The following ARIH1 variants were observed in gnomAD, a reference collection of about 807,000 sequenced individuals.
ARIH1 encodes the protein ariadne RBR E3 ubiquitin protein ligase 1, also known as E3 ubiquitin-protein ligase ARIH1.
Under a neutral mutation model 85.0 loss-of-function variants are expected in ARIH1, and 8 were observed. The observed-to-expected ratio is 0.09, with a 90% CI of 0.06 to 0.17. ARIH1 has a LOEUF of 0.17. Among genes scored for constraint, ARIH1 ranks in the 10% least tolerant of loss-of-function variants. The pLI is 1.00. For synonymous variants in ARIH1, 238 were observed against 253.6 expected (o/e 0.94, Z 0.59); for missense variants, 311 against 718.1 (o/e 0.43, Z 6.48).
At chr15:72,510,669 G>A (rs912481537) in intron 1 of ARIH1, among the ~76,000 whole-genome samples, 3 of 140,510 alleles carry the variant, frequency 2.1e-5, no homozygotes, top group East Asian at 2.0e-4. Context: ...TCCGGGAGGC[G>A]GAGCTTGCAG....
intron 11 of ARIH1, among the ~76,000 whole-genome samples, chr15:72,574,905 G>A (rs11630252): frequency 5.6e-5 from 4 of 71,460 alleles, no homozygotes; most frequent in Admixed American, 1.8e-4. Context: ...CCCCCCCGCC[G>A]CCCCCGCCCA....
chr15:72,555,754 A>AT, intron 4 of ARIH1, 98 bp from the exon 5 acceptor site: 1 of 954,454 alleles, frequency 1.0e-6, no homozygotes, highest in Non-Finnish European at 1.7e-6. Flanking sequence ...TCCTGTAAAC[A>AT]TTAAGGTATT....
In ARIH1 at chr15:72,555,858, T is replaced by G; in HGVS notation, c.688T>G (p.Ser230Ala). ...AAATTTCAATCTTTTTCAGACTATT[T>G]CGTGTCCTGCTCATGGTTGTGATAT... ...IMEEGMGQTISCPAHGCDILV... is the reference protein window; with the variant it reads ...IMEEGMGQTIACPAHGCDILV... The change falls in exon 5 of 14, where the codon TCG (serine) becomes GCG (alanine). Residue 230 changes from serine to alanine, a missense_variant. This residue lies in a region of ARIH1 where 104 missense variants were observed against 221.4 expected (regional missense o/e 0.47). Transcript: ENST00000379887. 6.2e-7 allele frequency: 1 copy of G among 1,612,946 alleles called. No individual in the cohort carries two copies. The highest frequency in any genetic ancestry group is 8.5e-7 in the Non-Finnish European group (1 of 1,179,150).
At chr15:72,509,279 C>T (rs2063940127) in intron 1 of ARIH1, among the ~76,000 whole-genome samples, 1 of 151,940 alleles carries the variant, frequency 6.6e-6, no homozygotes, top group Non-Finnish European at 1.5e-5. Flanking sequence ...TGTGAGCCAC[C>T]ACACCTGGCC....
chr15:72,500,100 CTT>C (rs35390888), intron 1 of ARIH1, among the ~76,000 whole-genome samples: 84 of 146,906 alleles, frequency 5.7e-4, no homozygotes, highest in Admixed American at 6.8e-4. Flanking sequence ...TCATTTCTCT[CTT>C]TTTTTTTTTT....
chr15:72,567,488 C>G (rs1243709011), intron 9 of ARIH1, among the ~76,000 whole-genome samples: 1 of 152,128 alleles, frequency 6.6e-6, no homozygotes, highest in Non-Finnish European at 1.5e-5. Context: ...TGCTTGGCTG[C>G]CATTTAGTAT....
intron 1 of ARIH1, among the ~76,000 whole-genome samples, chr15:72,481,826 ATTTTC>A (rs934913934): frequency 7.3e-5 from 11 of 151,712 alleles, no homozygotes; most frequent in Non-Finnish European, 1.5e-4. Context: ...TTTACTCAGT[ATTTTC>A]TTTTCTTTTC....
chr15:72,567,051 T>G, intron 8 of ARIH1, 55 bp from the exon 9 acceptor site: 1 of 1,333,446 alleles, frequency 7.5e-7, no homozygotes, highest in African/African-American at 1.5e-5. Flanking sequence ...GCTAAAGTAA[T>G]TTGCTATTTT....
chr15:72,563,333 A>G, intron 6 of ARIH1, 61 bp from the exon 7 acceptor site: 1 of 1,445,190 alleles, frequency 6.9e-7, no homozygotes, highest in Non-Finnish European at 9.7e-7. Context: ...TTCTGGGATT[A>G]TAGGTGTGAG....
intron 6 of ARIH1, 94 bp from the exon 7 acceptor site, chr15:72,563,300 C>T (rs775233946): frequency 2.3e-5 from 24 of 1,022,614 alleles, no homozygotes; most frequent in Non-Finnish European, 3.0e-5. Context: ...CTCAAACAGT[C>T]CTCCCGCCTT....
At chr15:72,524,562 C>T (rs1210832184) in intron 2 of ARIH1, among the ~76,000 whole-genome samples, 2 of 152,116 alleles carry the variant, frequency 1.3e-5, no homozygotes, top group East Asian at 3.9e-4. Flanking sequence ...CCTAAATTGT[C>T]CCTCAAGAAG....
Position 72,587,445 on chromosome 15 carries a change from A to G in ARIH1, c.*4153A>G. On this transcript the variant is annotated 3_prime_UTR_variant, in exon 14 of 14. Coordinates refer to ENST00000379887, the MANE Select transcript of ARIH1 (RefSeq NM_005744.5). ...AGTAGTTGAGAATAAGTGGTTTAGT[A>G]TGATTTGCTTAATAGTACCCAAGTA... 1 of 320,430 alleles carries G rather than the reference A, an allele frequency of 3.1e-6. No individual in the cohort carries two copies. The highest frequency in any genetic ancestry group is 2.6e-5 in the South Asian group (1 of 38,112). 19.8% of individuals were successfully genotyped at this position (320,430 alleles called of 1,614,324 possible).
intron 1 of ARIH1, chr15:72,496,872 A>G (rs1595852612): frequency 1.0e-6 from 1 of 985,386 alleles, no homozygotes; most frequent in African/African-American, 1.7e-5. Context: ...GGACAGAATC[A>G]TTCCAAAGAC....
In ARIH1 at chr15:72,519,875, AAG is replaced by A. The variant is rs2063991943; in HGVS notation, c.443+1744_443+1745del. Among the ~76,000 whole-genome samples the A allele has an allele frequency of 2.0e-5, 3 of 152,252 alleles. No homozygotes were observed. The East Asian group carries it at 5.8e-4, about 29-fold the overall frequency. ...ATTTGATGACACCTCTACTAGGAGAAAGAGTTTTTATCGTTTACTTGTGAAAC... is the reference window on the plus strand; with the variant it reads ...ATTTGATGACACCTCTACTAGGAGAAAGTTTTTATCGTTTACTTGTGAAAC... On this transcript the variant is annotated intron_variant, in intron 2 of 13. Transcript: ENST00000379887.
At chr15:72,482,512 T>C (rs1462802539) in intron 1 of ARIH1, among the ~76,000 whole-genome samples, 2 of 152,162 alleles carry the variant, frequency 1.3e-5, no homozygotes, top group African/African-American at 2.4e-5. Context: ...GGAGAGTTTT[T>C]GGGTAATGGT....
In ARIH1 at chr15:72,591,672, A is replaced by G. The variant is rs554304674; in HGVS notation, c.*8380A>G. 2 of 152,362 alleles carry G rather than the reference A, an allele frequency of 1.3e-5. No homozygotes were observed. Among genetic ancestry groups the G allele is most frequent in the South Asian group, 4.1e-4 (2 of 4,826 alleles). 9.4% of individuals were successfully genotyped at this position (152,362 alleles called of 1,614,324 possible). A position where few individuals can be genotyped will look rare whatever the true frequency, so the allele number is the denominator to read the frequency against. On this transcript the variant is annotated 3_prime_UTR_variant, in exon 14 of 14. Transcript: ENST00000379887. ...CTCAGAGGAAGTACAGCATAAAATAATAACCAGCATTTGTAGAGCACTTCT... is the reference window on the plus strand; with the variant it reads ...CTCAGAGGAAGTACAGCATAAAATAGTAACCAGCATTTGTAGAGCACTTCT...
At position 72,507,043 on chromosome 15, in the gene ARIH1, A is replaced by C. The variant is rs2063929321; in HGVS notation, c.376-11024A>C. On this transcript the variant is annotated intron_variant, in intron 1 of 13. Transcript: ENST00000379887. ...ATGTATTTATTTATTTATTTTTTGA[A>C]ACGCAGTCGTGCCCTGTCGCCCAGG... is the stretch of plus-strand genomic sequence containing the variant. Among the ~76,000 whole-genome samples the C allele has an allele frequency of 2.6e-5, 4 of 151,864 alleles. No individual in the cohort carries two copies. The South Asian group carries it at 8.3e-4, about 32-fold the overall frequency.
intron 2 of ARIH1, among the ~76,000 whole-genome samples, chr15:72,527,648 C>T (rs1273283084): frequency 1.3e-5 from 2 of 152,190 alleles, no homozygotes; most frequent in Non-Finnish European, 2.9e-5. Flanking sequence ...GTTTACTGTG[C>T]AGCTCTAGGG....
chr15:72,519,284 C>T (rs2063988292), intron 2 of ARIH1, among the ~76,000 whole-genome samples: 1 of 151,590 alleles, frequency 6.6e-6, no homozygotes, highest in Non-Finnish European at 1.5e-5. Context: ...AATATCACCC[C>T]ATTTCATACA....
Sources: allele counts gnomAD v4.1 joint callset (sites outside exome capture counted in the v4.1 genomes callset), GRCh38; gene constraint gnomAD v4.1.1; regional missense constraint gnomAD v4.1.1; transcripts MANE v1.5; gene names NCBI Gene and HGNC (gene_info 2026-07-23, HGNC 2026-07-21).